KIAA0232: variants seen among roughly 807,000 people sequenced by gnomAD.
The protein encoded by KIAA0232 is KIAA0232, also known as uncharacterized protein KIAA0232.
Under a neutral mutation model 122.0 loss-of-function variants are expected in KIAA0232, and 27 were observed. The ratio of observed to expected loss-of-function variants is 0.22; its 90% CI spans 0.16 to 0.31. The LOEUF (loss-of-function observed/expected upper bound fraction) is 0.31, where lower values mean the gene tolerates loss of function less well. Among genes scored for constraint, KIAA0232 ranks in the 10% least tolerant of loss-of-function variants. The probability of loss-of-function intolerance (pLI) is 1.00; values close to 1 mark genes in which losing one functional copy is unlikely to be tolerated. For synonymous variants in KIAA0232, 613 were observed against 587.6 expected (o/e 1.04, Z -0.63); for missense variants, 1,551 against 1,634.2 (o/e 0.95, Z 0.88).
At chr4:6,803,942 C>T (rs893889233) in intron 1 of KIAA0232, among the ~76,000 whole-genome samples, 4 of 152,136 alleles carry the variant, frequency 2.6e-5, no homozygotes, top group African/African-American at 9.7e-5. Flanking sequence ...ACATAAAATT[C>T]CAATCCAAGA....
chr4:6,795,525 A>T (rs528196723), intron 1 of KIAA0232, among the ~76,000 whole-genome samples: 48 of 152,158 alleles, frequency 3.2e-4, no homozygotes, highest in African/African-American at 1.1e-3. Flanking sequence ...ATTATTTTGG[A>T]TATACTGGGT....
At chr4:6,845,973 T>C (rs903097181) in intron 4 of KIAA0232, among the ~76,000 whole-genome samples, 6 of 152,190 alleles carry the variant, frequency 3.9e-5, no homozygotes, top group African/African-American at 1.4e-4. Context: ...TATAAAGATC[T>C]TTGATTCTTT....
In KIAA0232 at chr4:6,816,218, G is replaced by A. The variant is rs1577368440; in HGVS notation, c.-269-7967G>A. 3.3e-5 allele frequency among the ~76,000 whole-genome samples: 5 copies of A among 151,512 alleles called. No individual in the cohort carries two copies. The South Asian group carries it at 8.4e-4, about 25-fold the overall frequency. ...ATTGGATTCAATTACCTGAAAATTT[G>A]TGTAAAATTTTTGCATCTGTACTCA... is the stretch of plus-strand genomic sequence containing the variant. On this transcript the variant is annotated intron_variant, in intron 2 of 9. Coordinates refer to ENST00000307659, the MANE Select transcript of KIAA0232 (RefSeq NM_014743.3).
intron 2 of KIAA0232, among the ~76,000 whole-genome samples, chr4:6,813,578 G>A (rs1306005953): frequency 6.6e-6 from 1 of 151,866 alleles, no homozygotes; most frequent in East Asian, 1.9e-4. Context: ...TAGCCAGGAT[G>A]GTCTCGATCT....
At chr4:6,835,857 C>G (rs1489382456) in intron 3 of KIAA0232, among the ~76,000 whole-genome samples, 1 of 152,172 alleles carries the variant, frequency 6.6e-6, no homozygotes, top group Non-Finnish European at 1.5e-5. Context: ...TTTTCTTTAT[C>G]CAGTCTATTA....
chr4:6,883,119 G>A lies in KIAA0232; in HGVS notation c.*2153G>A, dbSNP rs1230592079. The A allele has an allele frequency of 6.5e-6, 1 of 152,808 alleles. No homozygotes were observed. Among genetic ancestry groups the A allele is most frequent in the Admixed American group, 6.5e-5 (1 of 15,310 alleles). 9.5% of individuals were successfully genotyped at this position (152,808 alleles called of 1,614,324 possible). A position where few individuals can be genotyped will look rare whatever the true frequency, so the allele number is the denominator to read the frequency against. ...GAGGCTTTCAGCAACAGAGATGAAA[G>A]TGTGGCTTTTTAGTTTTGTGAATGG... On this transcript the variant is annotated 3_prime_UTR_variant, in exon 10 of 10. Coordinates refer to ENST00000307659, the MANE Select transcript of KIAA0232 (RefSeq NM_014743.3).
At chr4:6,831,695 C>T (rs903485737) in intron 3 of KIAA0232, among the ~76,000 whole-genome samples, 5 of 152,226 alleles carry the variant, frequency 3.3e-5, no homozygotes, top group African/African-American at 1.2e-4. Flanking sequence ...AAGCCCCCCT[C>T]GTGTCCCACA....
At chr4:6,874,472 G>A (rs1721651076) in intron 8 of KIAA0232, among the ~76,000 whole-genome samples, 1 of 152,194 alleles carries the variant, frequency 6.6e-6, no homozygotes, top group African/African-American at 2.4e-5. Context: ...AGAGGGCCTT[G>A]TAGACTCTGT....
At chr4:6,819,243 G>A (rs927385892) in intron 2 of KIAA0232, among the ~76,000 whole-genome samples, 3 of 152,090 alleles carry the variant, frequency 2.0e-5, no homozygotes, top group Admixed American at 1.3e-4. Context: ...AAGCCAAAGA[G>A]CTTATGTACA....
chr4:6,803,710 G>A (rs1717489895), intron 1 of KIAA0232, among the ~76,000 whole-genome samples: 1 of 152,120 alleles, frequency 6.6e-6, no homozygotes, highest in African/African-American at 2.4e-5. Flanking sequence ...TGAGTCATTT[G>A]GAAGTGGATT....
At chr4:6,787,437 C>G (rs775245155) in intron 1 of KIAA0232, among the ~76,000 whole-genome samples, 2 of 152,156 alleles carry the variant, frequency 1.3e-5, no homozygotes, top group Admixed American at 6.5e-5. Flanking sequence ...ACGGTTATTC[C>G]TGTTGCTTTG....
Position 6,842,223 on chromosome 4 carries a change from T to C in KIAA0232, c.369+19T>C. The C allele has an allele frequency of 6.3e-7, 1 of 1,585,690 alleles. No homozygotes were observed. On this transcript the variant is annotated intron_variant, in intron 4 of 9. Coordinates refer to ENST00000307659, the MANE Select transcript of KIAA0232 (RefSeq NM_014743.3). ...TGATGAAGTAAGTTTACATTTTGTT[T>C]CTAACACTTAAGAGAATAAAAGAAG...
chr4:6,827,626 C>T (rs1335115671), intron 3 of KIAA0232, among the ~76,000 whole-genome samples: 1 of 152,226 alleles, frequency 6.6e-6, no homozygotes, highest in East Asian at 1.9e-4. Flanking sequence ...AAAGCAAACA[C>T]GCAGTGCTCT....
chr4:6,798,124 T>A (rs1354823594), intron 1 of KIAA0232, among the ~76,000 whole-genome samples: 1 of 151,356 alleles, frequency 6.6e-6, no homozygotes, highest in African/African-American at 2.4e-5. Context: ...GAGGAGTGAA[T>A]AGTATGATAG....
At chr4:6,822,925 C>T (rs1416682200) in intron 2 of KIAA0232, among the ~76,000 whole-genome samples, 2 of 109,510 alleles carry the variant, frequency 1.8e-5, no homozygotes, top group African/African-American at 6.9e-5. Flanking sequence ...CTATCCCTCC[C>T]CCCTCCCCCC....
chr4:6,876,198 C>T (rs183599859), intron 8 of KIAA0232, among the ~76,000 whole-genome samples: 2 of 152,342 alleles, frequency 1.3e-5, no homozygotes, highest in Admixed American at 1.3e-4. Context: ...GACCCTGTGT[C>T]GTTTCTCCAT....
chr4:6,789,087 C>T (rs1317844241), intron 1 of KIAA0232, among the ~76,000 whole-genome samples: 1 of 152,082 alleles, frequency 6.6e-6, no homozygotes, highest in East Asian at 1.9e-4. Context: ...TCTCCTGCCT[C>T]AGCTTCCCGA....
intron 6 of KIAA0232, among the ~76,000 whole-genome samples, chr4:6,860,436 C>T (rs73080544): frequency 0.016 from 2,512 of 152,260 alleles, 61 homozygotes; most frequent in African/African-American, 0.057. Flanking sequence ...TTTCAACGCT[C>T]ACAATAACTT....
chr4:6,867,653 C>T (rs1418718021), intron 7 of KIAA0232, among the ~76,000 whole-genome samples: 1 of 152,180 alleles, frequency 6.6e-6, no homozygotes, highest in Non-Finnish European at 1.5e-5. Context: ...GTCAGCAGGT[C>T]TGGAGGGACA....
Sources: gnomAD v4.1 joint callset for allele counts (sites outside exome capture counted in the v4.1 genomes callset) on GRCh38, gnomAD v4.1.1 for gene constraint, MANE v1.5 for transcripts, NCBI Gene and HGNC (gene_info 2026-07-23, HGNC 2026-07-21) for gene names.